Variants in VPS13B observed in about 807,000 individuals in gnomAD.
The protein encoded by VPS13B is vacuolar protein sorting 13 homolog B.
A neutral mutation model predicts 426.4 loss-of-function variants in VPS13B; 285 were observed. The observed-to-expected ratio is 0.67, with a 90% CI of 0.61 to 0.74. The LOEUF is 0.74. VPS13B is among the 30% of genes least tolerant of loss of function. VPS13B has a pLI of 0.00. For synonymous variants in VPS13B, 1,676 were observed against 1,676.4 expected, an observed-to-expected ratio of 1.00 and a Z score of 0.01; for missense variants, 4,537 against 4,782.6, an observed-to-expected ratio of 0.95 and a Z score of 1.51.
At chr8:99,267,581 G>A (rs1193145926) in intron 17 of VPS13B, among the ~76,000 whole-genome samples, 1 of 151,946 alleles carries the variant, frequency 6.6e-6, no homozygotes, top group Admixed American at 6.6e-5. Context: ...ACAAAAATTA[G>A]TGGGGCATGG....
At chr8:99,871,311 T>C in intron 60 of VPS13B, 137 bp from the exon 61 acceptor site, 1 of 1,321,102 alleles carries the variant, frequency 7.6e-7, no homozygotes, top group East Asian at 2.3e-5. Context: ...CAATTACATT[T>C]CAAGCTAAAA....
In VPS13B at chr8:99,356,311, C is replaced by T. The variant is rs148788930; in HGVS notation, c.2825-27897C>T. Among the ~76,000 whole-genome samples, 4 of 152,088 alleles carry T rather than the reference C, an allele frequency of 2.6e-5. No homozygotes were observed. The East Asian group carries it at 5.8e-4, about 22-fold the overall frequency. On this transcript the variant is annotated intron_variant, in intron 19 of 61. Coordinates refer to ENST00000357162, the MANE Select transcript of VPS13B (RefSeq NM_152564.5). ...ATAAAGCACTAAATAAATTATTTTA[C>T]ATTCTCTCCTACCACCCTAAAAAAG... is the stretch of plus-strand genomic sequence containing the variant.
At chr8:99,077,938 G>A (rs1423235190) in intron 3 of VPS13B, among the ~76,000 whole-genome samples, 1 of 151,928 alleles carries the variant, frequency 6.6e-6, no homozygotes, top group Admixed American at 6.6e-5. Flanking sequence ...TTCAAGTTTA[G>A]AAATTCTTTC....
At chr8:99,571,329 A>G (rs1220373322) in intron 31 of VPS13B, among the ~76,000 whole-genome samples, 1 of 152,104 alleles carries the variant, frequency 6.6e-6, no homozygotes, top group East Asian at 1.9e-4. Context: ...TTTCTTTTGA[A>G]TTTATTCCTG....
intron 31 of VPS13B, among the ~76,000 whole-genome samples, chr8:99,570,574 GT>G (rs1048803867): frequency 2.0e-4 from 30 of 149,950 alleles, no homozygotes; most frequent in Non-Finnish European, 3.9e-4. Context: ...TTTTTCTTAT[GT>G]TTTTTTAATT....
chr8:99,438,787 A>G (rs1430321109), intron 22 of VPS13B, among the ~76,000 whole-genome samples: 3 of 152,168 alleles, frequency 2.0e-5, no homozygotes, highest in African/African-American at 7.2e-5. Flanking sequence ...TATTTGTTGT[A>G]GTGCAAATGG....
chr8:99,400,598 G>T (rs973301159), intron 21 of VPS13B, among the ~76,000 whole-genome samples: 2 of 152,112 alleles, frequency 1.3e-5, no homozygotes, highest in Non-Finnish European at 2.9e-5. Context: ...TATTTAAGTT[G>T]TACTATTCAG....
intron 2 of VPS13B, among the ~76,000 whole-genome samples, chr8:99,023,721 C>G (rs78291565): frequency 6.6e-6 from 1 of 152,030 alleles, no homozygotes; most frequent in African/African-American, 2.4e-5. Context: ...CCTCGTGATC[C>G]GCCTGCCTTG....
At chr8:99,425,534 C>G (rs900874310) in intron 21 of VPS13B, among the ~76,000 whole-genome samples, 6 of 152,100 alleles carry the variant, frequency 3.9e-5, no homozygotes, top group African/African-American at 1.4e-4. Context: ...ACTAAAAACT[C>G]TCAATAAATT....
At chr8:99,360,446 T>G (rs1373258186) in intron 19 of VPS13B, among the ~76,000 whole-genome samples, 1 of 151,110 alleles carries the variant, frequency 6.6e-6, no homozygotes, top group East Asian at 2.0e-4. Flanking sequence ...CCGGCTAATT[T>G]TTTTGTATTT....
chr8:99,219,696 C>T (rs544329633), intron 17 of VPS13B, among the ~76,000 whole-genome samples: 4 of 152,292 alleles, frequency 2.6e-5, no homozygotes, highest in African/African-American at 4.8e-5. Context: ...AGCCTACTCT[C>T]GCTATAATGG....
intron 25 of VPS13B, among the ~76,000 whole-genome samples, chr8:99,493,780 T>TAAAAAAAAAAAA (rs376555643): frequency 2.3e-4 from 14 of 61,020 alleles, no homozygotes; most frequent in Non-Finnish European, 3.2e-4. Flanking sequence ...AGACTCTATC[T>TAAAAAAAAAAAA]AAAAAAAAAA....
chr8:99,764,264 G>A (rs577284377), intron 39 of VPS13B, among the ~76,000 whole-genome samples: 1 of 152,080 alleles, frequency 6.6e-6, no homozygotes, highest in Admixed American at 6.5e-5. Context: ...TTCTGAGGAT[G>A]GTAATTAGGG....
chr8:99,174,685 G>A (rs1812534486), intron 16 of VPS13B, among the ~76,000 whole-genome samples: 1 of 152,026 alleles, frequency 6.6e-6, no homozygotes, highest in African/African-American at 2.4e-5. Flanking sequence ...TATATGATTT[G>A]CAAGTATTTT....
intron 21 of VPS13B, among the ~76,000 whole-genome samples, chr8:99,430,282 G>A (rs938975361): frequency 6.6e-6 from 1 of 152,058 alleles, no homozygotes; most frequent in South Asian, 2.1e-4. Context: ...AGTGGATATG[G>A]CAACTAGTCA....
intron 58 of VPS13B, among the ~76,000 whole-genome samples, chr8:99,866,261 C>A (rs1817093469): frequency 6.6e-6 from 1 of 152,230 alleles, no homozygotes; most frequent in Non-Finnish European, 1.5e-5. Context: ...AGAGGAGAGC[C>A]ATTCCAGGCT....
rs141433441 is a variant in VPS13B at position 99,143,181 on chromosome 8, A to G, written c.1843+16A>G. 3.3e-4 allele frequency: 537 copies of G among 1,613,770 alleles called. No individual in the cohort carries two copies. Among genetic ancestry groups the G allele is most frequent in the Non-Finnish European group, 4.3e-4 (511 of 1,179,768 alleles). On this transcript the variant is annotated intron_variant, in intron 13 of 61. Coordinates refer to ENST00000357162, the MANE Select transcript of VPS13B (RefSeq NM_152564.5). ...CTAAAATCAGGTTTGTTTCTGGATT[A>G]ATTTTGAATCTTTTGCCATTTGTTT...
intron 21 of VPS13B, among the ~76,000 whole-genome samples, chr8:99,402,523 AAGG>A (rs1217602334): frequency 1.3e-5 from 2 of 152,168 alleles, no homozygotes; most frequent in Admixed American, 6.5e-5. Context: ...CAAGTGAAAA[AAGG>A]AGGAGAACTG....
intron 25 of VPS13B, among the ~76,000 whole-genome samples, chr8:99,499,191 TCCGGCCTGATTTTCACAA>T (rs1821096646): frequency 1.3e-5 from 2 of 152,186 alleles, no homozygotes. Flanking sequence ...CATCTCCATT[TCCGGCCTGATTTTCACAA>T]CAGATTTGGA....
Sources: allele counts gnomAD v4.1 joint callset (sites outside exome capture counted in the v4.1 genomes callset), GRCh38; gene constraint gnomAD v4.1.1; transcripts MANE v1.5; gene names NCBI Gene and HGNC (gene_info 2026-07-23, HGNC 2026-07-21).